The following GPHN variants were observed in gnomAD, a reference collection of about 807,000 sequenced individuals.
The protein encoded by GPHN is gephyrin.
In GPHN, 17 loss-of-function variants were observed where a neutral mutation model predicts 95.5. The observed-to-expected ratio is 0.18, with a 90% CI of 0.12 to 0.27. GPHN has a LOEUF of 0.27. Ranked by LOEUF, GPHN falls within the 10% of genes least tolerant of loss-of-function variation. GPHN has a pLI of 1.00. For missense variants in GPHN, 660 were observed against 978.1 expected (o/e 0.67, Z 4.34); for synonymous variants, 320 against 322.5 (o/e 0.99, Z 0.08).
chr14:67,350,540 G>C, the GPHN span: 1 of 1,320,102 alleles, frequency 7.6e-7, no homozygotes, highest in Non-Finnish European at 1.1e-6. Context: ...ATTAAAAAAT[G>C]CTTTTTAAAT....
intron 10 of GPHN, among the ~76,000 whole-genome samples, chr14:67,037,035 A>G (rs541548568): frequency 3.8e-4 from 58 of 152,164 alleles, no homozygotes; most frequent in African/African-American, 1.3e-3. Context: ...TTCAAAACAT[A>G]TTACAAAGTT....
intron 4 of GPHN, among the ~76,000 whole-genome samples, chr14:66,866,120 G>A (rs1450210898): frequency 6.6e-6 from 1 of 152,024 alleles, no homozygotes; most frequent in Non-Finnish European, 1.5e-5. Flanking sequence ...CTTTTCAGTT[G>A]CCTGTTGTCC....
the GPHN span, among the ~76,000 whole-genome samples, chr14:67,415,155 A>T: frequency 2.6e-5 from 4 of 152,260 alleles, no homozygotes; most frequent in African/African-American, 7.2e-5. Context: ...ATATTTAGAA[A>T]ATACCAAAAG....
At chr14:67,492,924 C>T in the GPHN span, among the ~76,000 whole-genome samples, 15,455 of 152,150 alleles carry the variant, frequency 0.1, 910 homozygotes, top group African/African-American at 0.16. Flanking sequence ...TCTAAACATA[C>T]TATAAGTTTT....
the GPHN span, among the ~76,000 whole-genome samples, chr14:67,408,295 T>TAAAATA: frequency 8.6e-6 from 1 of 116,716 alleles, no homozygotes. Context: ...TCAAAATAAA[T>TAAAATA]AAATAAAATA....
the GPHN span, among the ~76,000 whole-genome samples, chr14:67,250,646 C>T: frequency 6.6e-6 from 1 of 152,138 alleles, no homozygotes; most frequent in Admixed American, 6.5e-5. Context: ...TCATGAACCC[C>T]AGATACAGGT....
At chr14:67,308,290 T>C in the GPHN span, among the ~76,000 whole-genome samples, 288 of 147,608 alleles carry the variant, frequency 2.0e-3, 1 homozygote, top group African/African-American at 6.7e-3. Context: ...ACTTAGACAA[T>C]AGAAAAGGGA....
the GPHN span, chr14:67,471,571 A>G: frequency 6.6e-6 from 1 of 152,218 alleles, no homozygotes; most frequent in Non-Finnish European, 1.5e-5. Context: ...AATAAAATCA[A>G]AAGGAGGGCT....
chr14:66,730,831 G>A (rs150861010), intron 2 of GPHN, among the ~76,000 whole-genome samples: 110 of 152,254 alleles, frequency 7.2e-4, no homozygotes, highest in African/African-American at 2.4e-3. Flanking sequence ...TGTTTTCTGT[G>A]TCAGACACTG....
At chr14:67,683,751 A>T in the GPHN span, among the ~76,000 whole-genome samples, 1 of 152,120 alleles carries the variant, frequency 6.6e-6, no homozygotes, top group African/African-American at 2.4e-5. Flanking sequence ...GCTGACTGCC[A>T]CTCTGACACT....
At chr14:67,309,103 C>G in the GPHN span, among the ~76,000 whole-genome samples, 2 of 152,060 alleles carry the variant, frequency 1.3e-5, no homozygotes, top group African/African-American at 4.8e-5. Context: ...TGTTCAGAAG[C>G]CAAATACTGT....
At chr14:67,110,841 T>C (rs1410373463) in intron 14 of GPHN, among the ~76,000 whole-genome samples, 1 of 152,184 alleles carries the variant, frequency 6.6e-6, no homozygotes, top group Non-Finnish European at 1.5e-5. Flanking sequence ...CCTGGAAATA[T>C]TAAGTGTATG....
the GPHN span, among the ~76,000 whole-genome samples, chr14:67,319,665 A>G: frequency 6.6e-6 from 1 of 152,100 alleles, no homozygotes; most frequent in Non-Finnish European, 1.5e-5. Flanking sequence ...AAGAAAGTTT[A>G]CAAATTCGCA....
intron 3 of GPHN, among the ~76,000 whole-genome samples, chr14:66,792,503 G>A (rs2060006559): frequency 1.3e-5 from 2 of 150,690 alleles, no homozygotes; most frequent in African/African-American, 2.4e-5. Flanking sequence ...AAAAAAAACT[G>A]TCAGTCAACC....
At chr14:66,980,189 G>A (rs2070559769) in intron 9 of GPHN, among the ~76,000 whole-genome samples, 2 of 152,158 alleles carry the variant, frequency 1.3e-5, no homozygotes, top group Admixed American at 1.3e-4. Flanking sequence ...TGGAAAATTG[G>A]TGACGATAGA....
the GPHN span, among the ~76,000 whole-genome samples, chr14:67,465,947 C>T: frequency 6.6e-5 from 10 of 152,124 alleles, no homozygotes; most frequent in Admixed American, 6.5e-4. Context: ...CCGGCAGCCA[C>T]CAGAGACTGG....
chr14:67,597,414 G>A, the GPHN span, among the ~76,000 whole-genome samples: 1 of 151,952 alleles, frequency 6.6e-6, no homozygotes, highest in African/African-American at 2.4e-5. Context: ...GGAGACTGAG[G>A]CTGTAGTGAG....
intron 18 of GPHN, among the ~76,000 whole-genome samples, chr14:67,150,144 A>G (rs2081164667): frequency 6.6e-6 from 1 of 152,138 alleles, no homozygotes; most frequent in South Asian, 2.1e-4. Context: ...CATAATAACT[A>G]TTAACATTGT....
chr14:66,645,576 C>T (rs986611890), intron 1 of GPHN, among the ~76,000 whole-genome samples: 12 of 151,406 alleles, frequency 7.9e-5, no homozygotes, highest in Non-Finnish European at 4.4e-5. Context: ...CTTGCAATCC[C>T]AGCTACTTGA....
Sources: allele counts gnomAD v4.1 joint callset (sites outside exome capture counted in the v4.1 genomes callset), GRCh38; gene constraint gnomAD v4.1.1; transcripts MANE v1.5; gene names NCBI Gene and HGNC (gene_info 2026-07-23, HGNC 2026-07-21).